SUMF1: variants seen among roughly 807,000 people sequenced by gnomAD.
SUMF1 encodes the protein formylglycine-generating enzyme.
SUMF1 carries 48 observed loss-of-function variants against 47.6 expected under a neutral mutation model. The observed-to-expected ratio is 1.01, with a 90% CI of 0.80 to 1.28. The LOEUF (loss-of-function observed/expected upper bound fraction) is 1.28, where lower values mean the gene tolerates loss of function less well. Among genes scored for constraint, SUMF1 ranks in the 50% most tolerant of loss-of-function variants. SUMF1 has a pLI of 0.00. For synonymous variants in SUMF1, 230 were observed against 192.1 expected (o/e 1.20, Z -1.63); for missense variants, 571 against 485.4 (o/e 1.18, Z -1.66).
chr3:4,042,181 G>A (rs2125018199), intron 9 of SUMF1, among the ~76,000 whole-genome samples: 1 of 152,238 alleles, frequency 6.6e-6, no homozygotes, highest in Non-Finnish European at 1.5e-5. Flanking sequence ...GTATTGAGAA[G>A]CAAATGAGGT....
At chr3:4,373,856 T>C (rs996759236) in intron 8 of SUMF1, among the ~76,000 whole-genome samples, 5 of 152,150 alleles carry the variant, frequency 3.3e-5, no homozygotes, top group Admixed American at 6.5e-5. Flanking sequence ...GAATGATACA[T>C]ATCCCAGGAA....
intron 3 of SUMF1, 45 bp downstream of exon 3, chr3:4,449,221 A>C (rs767214687): frequency 1.7e-5 from 27 of 1,608,700 alleles, no homozygotes; most frequent in Non-Finnish European, 8.5e-7. Flanking sequence ...AACCCTTTTC[A>C]ATGAGCCTTA....
chr3:4,344,605 A>C (rs1457386654), intron 8 of SUMF1, among the ~76,000 whole-genome samples: 2 of 152,196 alleles, frequency 1.3e-5, no homozygotes, highest in Non-Finnish European at 2.9e-5. Context: ...AAAATCCAAA[A>C]GGCCAGAGTG....
At chr3:4,143,933 A>G (rs1170054721) in intron 8 of SUMF1, among the ~76,000 whole-genome samples, 1 of 151,192 alleles carries the variant, frequency 6.6e-6, no homozygotes, top group African/African-American at 2.4e-5. Flanking sequence ...ATAAAGTTAG[A>G]GAAGCACTGC....
In SUMF1 at chr3:4,271,494, GATA is replaced by G. The variant is rs1559637585; in HGVS notation, c.1014+104833_1014+104835del. ...AGATAGATAGATAGATAGATAGATA[GATA>G]GATAGATAGATAGATAGATAGATAC... On this transcript the variant is annotated intron_variant and NMD_transcript_variant, in intron 8 of 12. Coordinates refer to the SUMF1 transcript ENST00000448413. Among the ~76,000 whole-genome samples the G allele has an allele frequency of 2.0e-4, 30 of 151,838 alleles. 1 individual carries two copies. The highest frequency in any genetic ancestry group is 7.0e-4 in the African/African-American group (29 of 41,376).
intron 8 of SUMF1, among the ~76,000 whole-genome samples, chr3:4,202,453 C>G (rs533206924): frequency 2.0e-5 from 3 of 151,890 alleles, no homozygotes; most frequent in African/African-American, 7.2e-5. Flanking sequence ...CTACCCTGTT[C>G]CATTGGTCTA....
rs776697150 is a variant in SUMF1 at position 4,317,033 on chromosome 3, G to C, written c.1014+59297C>G. ...GCTATGAAGTTTTGCCTCATCCACC[G>C]TATTCACCTGACCTCTTGCCAACCA... On this transcript the variant is annotated intron_variant and NMD_transcript_variant, in intron 8 of 12. Coordinates refer to the SUMF1 transcript ENST00000448413. The C allele has an allele frequency of 4.5e-6, 7 of 1,549,186 alleles. No homozygotes were observed. In the Admixed American group the frequency reaches 5.9e-5, roughly 13 times the overall value.
Position 4,134,335 on chromosome 3 carries a change from C to G in SUMF1, c.1015-65590G>C, listed in dbSNP as rs377531993. Reference sequence around the variant, plus strand: ...AAACTCACTCAAAACCACTCAACTACATGGAAAACGAACAACCTGTCCCTG... The same window carrying G: ...AAACTCACTCAAAACCACTCAACTAGATGGAAAACGAACAACCTGTCCCTG... On this transcript the variant is annotated intron_variant and NMD_transcript_variant, in intron 8 of 12. Transcript: ENST00000448413. Among the ~76,000 whole-genome samples, 22 of 152,284 alleles carry G rather than the reference C, an allele frequency of 1.4e-4. 1 individual carries two copies. In the East Asian group the frequency reaches 2.5e-3, roughly 17 times the overall value.
chr3:4,049,317 ACTT>A (rs1331608494), intron 9 of SUMF1, among the ~76,000 whole-genome samples: 7 of 152,112 alleles, frequency 4.6e-5, no homozygotes, highest in African/African-American at 1.4e-4. Context: ...ATGCTGTATC[ACTT>A]CTTCTCGTAT....
At chr3:4,355,973 GA>G (rs1173382173) in intron 8 of SUMF1, among the ~76,000 whole-genome samples, 2 of 152,172 alleles carry the variant, frequency 1.3e-5, no homozygotes, top group African/African-American at 4.8e-5. Context: ...CAAGTTTCAG[GA>G]AAGAGCATTT....
intron 9 of SUMF1, among the ~76,000 whole-genome samples, chr3:4,046,396 G>C (rs1208434822): frequency 2.0e-5 from 3 of 152,110 alleles, no homozygotes; most frequent in Non-Finnish European, 4.4e-5. Context: ...GTTAGATCTG[G>C]CTGTGAGGTT....
rs745553689 is a variant in SUMF1 at position 4,418,016 on chromosome 3, T to C, written c.719A>G (p.His240Arg). Reference sequence around the variant, plus strand: ...AATGAGATCCTCTAAATACCTATTATGCAGGCCTCCTCGACAGCTGTATTC... The same window carrying C: ...AATGAGATCCTCTAAATACCTATTACGCAGGCCTCCTCGACAGCTGTATTC... ...EWEYSCRGGL[H>R]NRLFPWGNKL... is the part of the protein sequence containing the mutation. The change falls in exon 5 of 9, where the codon CAT becomes CGT. Residue 240 changes from histidine to arginine, a missense_variant. His to Arg is a conservative substitution (Grantham distance 29). Transcript: ENST00000272902. The C allele has an allele frequency of 6.2e-7, 1 of 1,613,988 alleles. No homozygotes were observed. Among genetic ancestry groups the C allele is most frequent in the Non-Finnish European group, 8.5e-7 (1 of 1,180,038 alleles).
intron 7 of SUMF1, among the ~76,000 whole-genome samples, chr3:4,390,283 T>C (rs986232169): frequency 1.3e-5 from 2 of 151,996 alleles, no homozygotes; most frequent in African/African-American, 2.4e-5. Context: ...AAGGTAGGGG[T>C]AACCACTTTA....
intron 1 of SUMF1, among the ~76,000 whole-genome samples, chr3:4,463,608 T>C (rs2079867902): frequency 1.3e-5 from 2 of 152,186 alleles, no homozygotes; most frequent in Non-Finnish European, 2.9e-5. Flanking sequence ...AAACTACTTC[T>C]TTGTAGGAGG....
chr3:4,190,647 G>T (rs1247207606), intron 8 of SUMF1, among the ~76,000 whole-genome samples: 1 of 152,022 alleles, frequency 6.6e-6, no homozygotes, highest in Non-Finnish European at 1.5e-5. Context: ...TTATAAATGA[G>T]GTTCAAAGAG....
At chr3:4,116,426 CT>C (rs1444589978) in intron 8 of SUMF1, among the ~76,000 whole-genome samples, 1 of 151,884 alleles carries the variant, frequency 6.6e-6, no homozygotes, top group Non-Finnish European at 1.5e-5. Flanking sequence ...CATAGAAACC[CT>C]AAATTTTCAA....
chr3:4,345,370 G>A lies in SUMF1; in HGVS notation c.1014+30960C>T, dbSNP rs150375745. 9.4e-3 allele frequency among the ~76,000 whole-genome samples: 1,424 copies of A among 152,248 alleles called. 20 individuals are homozygous for A. The highest frequency in any genetic ancestry group is 0.033 in the African/African-American group (1,359 of 41,540). The stretch of plus-strand genomic sequence containing the variant: ...ACTCTACAAGCCAGAAGACAGTGGG[G>A]GCCAATATTCAACATTCTTAAAGAA... On this transcript the variant is annotated intron_variant and NMD_transcript_variant, in intron 8 of 12. Transcript: ENST00000448413.
At chr3:4,325,867 T>C (rs1248158054) in intron 8 of SUMF1, among the ~76,000 whole-genome samples, 2 of 152,152 alleles carry the variant, frequency 1.3e-5, no homozygotes, top group African/African-American at 4.8e-5. Flanking sequence ...AGCTAGAATC[T>C]AACAGGTATA....
chr3:4,455,005 T>C (rs1703107842), intron 1 of SUMF1, among the ~76,000 whole-genome samples: 1 of 152,242 alleles, frequency 6.6e-6, no homozygotes, highest in African/African-American at 2.4e-5. Flanking sequence ...GTGATAGTTG[T>C]AACACCTCAT....
Sources: allele counts gnomAD v4.1 joint callset (sites outside exome capture counted in the v4.1 genomes callset), GRCh38; gene constraint gnomAD v4.1.1; transcripts MANE v1.5; gene names NCBI Gene and HGNC (gene_info 2026-07-23, HGNC 2026-07-21).